The following UBE2B variants were observed in gnomAD, a reference collection of about 807,000 sequenced individuals.
The protein encoded by UBE2B is ubiquitin conjugating enzyme E2 B, also known as ubiquitin-conjugating enzyme E2 B.
A neutral mutation model predicts 24.6 loss-of-function variants in UBE2B; 11 were observed. That is an observed-to-expected ratio of 0.45 (90% CI 0.28 to 0.74). The LOEUF (loss-of-function observed/expected upper bound fraction) is 0.74, where lower values mean the gene tolerates loss of function less well. Among genes scored for constraint, UBE2B ranks in the 30% least tolerant of loss-of-function variants. UBE2B has a pLI of 0.13. For missense variants in UBE2B, 78 were observed against 185.6 expected, an observed-to-expected ratio of 0.42 and a Z score of 3.37; for synonymous variants, 68 against 62.4, an observed-to-expected ratio of 1.09 and a Z score of -0.42.
intron 4 of UBE2B, among the ~76,000 whole-genome samples, chr5:134,382,036 G>C (rs1758717487): frequency 6.6e-6 from 1 of 152,088 alleles, no homozygotes; most frequent in African/African-American, 2.4e-5. Context: ...GTGGCTTGAG[G>C]CCAGCCTAGG....
intron 4 of UBE2B, among the ~76,000 whole-genome samples, chr5:134,385,008 T>C (rs893059697): frequency 6.6e-6 from 1 of 152,240 alleles, no homozygotes; most frequent in African/African-American, 2.4e-5. Flanking sequence ...GGCTCATCTA[T>C]GTTGTGATAT....
intron 3 of UBE2B, among the ~76,000 whole-genome samples, chr5:134,378,260 T>A (rs1249871620): frequency 6.6e-6 from 1 of 151,748 alleles, no homozygotes; most frequent in African/African-American, 2.4e-5. Flanking sequence ...TCTATGTGGG[T>A]TTTTTTTGTT....
In UBE2B at chr5:134,375,816, A is replaced by C. The variant is rs898630833; in HGVS notation, c.126-853A>C. ...CCGTCTCAAAAAAAAAAAAAAAAAA[A>C]AAAAAAAAAACTTTATGCTGCTGCT... On this transcript the variant is annotated intron_variant, in intron 2 of 5. Transcript: ENST00000265339. Among the ~76,000 whole-genome samples, 9 of 150,952 alleles carry C rather than the reference A, an allele frequency of 6.0e-5. No individual in the cohort carries two copies. In the South Asian group the frequency reaches 8.3e-4, roughly 14 times the overall value.
chr5:134,371,754 C>A, intron 1 of UBE2B, 115 bp downstream of exon 1: 2 of 1,468,210 alleles, frequency 1.4e-6, no homozygotes, highest in South Asian at 1.2e-5. Context: ...GTGGGCCCAG[C>A]GGGACTGGCG....
chr5:134,379,095 T>A (rs1379791734), intron 3 of UBE2B, among the ~76,000 whole-genome samples: 1 of 152,186 alleles, frequency 6.6e-6, no homozygotes, highest in Non-Finnish European at 1.5e-5. Flanking sequence ...TAGTATATAA[T>A]GGAATATGGC....
rs1758568768 is a variant in UBE2B at position 134,374,654 on chromosome 5, G to T, written c.125+191G>T. 3 of 602,404 alleles carry T rather than the reference G, an allele frequency of 5.0e-6. No individual in the cohort carries two copies. In the South Asian group the frequency reaches 5.8e-5, roughly 12 times the overall value. The allele number at this position is 602,404 out of a possible 1,614,324, so 37.3% of individuals were successfully genotyped here. ...CAGCACAGTAGTAGCTCAACGCCTG[G>T]GAGGATCGCTGGAGCCCAGGAGTTC... is the stretch of plus-strand genomic sequence containing the variant. On this transcript the variant is annotated intron_variant, in intron 2 of 5. Transcript: ENST00000265339.
intron 5 of UBE2B, chr5:134,389,941 A>C (rs1758875019): frequency 2.6e-6 from 1 of 386,858 alleles, no homozygotes; most frequent in African/African-American, 2.1e-5. Context: ...TTGGCCTCCC[A>C]AAGTGTTAGG....
intron 5 of UBE2B, chr5:134,389,891 G>A: frequency 5.9e-6 from 2 of 337,856 alleles, no homozygotes; most frequent in South Asian, 2.6e-5. Context: ...ATGTTGCCCA[G>A]GCTGGGCTTG....
At chr5:134,381,413 G>A (rs1758708136) in intron 4 of UBE2B, among the ~76,000 whole-genome samples, 1 of 152,062 alleles carries the variant, frequency 6.6e-6, no homozygotes, top group Non-Finnish European at 1.5e-5. Flanking sequence ...GGACCACCAT[G>A]CCCAGCTAAT....
At chr5:134,374,209 G>A (rs1156983581) in intron 1 of UBE2B, among the ~76,000 whole-genome samples, 174 bp from the exon 2 acceptor site, 1 of 152,176 alleles carries the variant, frequency 6.6e-6, no homozygotes, top group Non-Finnish European at 1.5e-5. Flanking sequence ...TATTTAATAA[G>A]TATATATACC....
rs186055664 is a variant in UBE2B at position 134,372,318 on chromosome 5, C to T, written c.44+679C>T. ...GGTGAAGAAAGCCCCTATCTATAGC[C>T]TCCCGAGTCTGGAAAAATGCCTTCC... On this transcript the variant is annotated intron_variant, in intron 1 of 5. Coordinates refer to ENST00000265339, the MANE Select transcript of UBE2B (RefSeq NM_003337.4). Among the ~76,000 whole-genome samples, 689 of 152,336 alleles carry T rather than the reference C, an allele frequency of 4.5e-3. 2 individuals are homozygous for T. The highest frequency in any genetic ancestry group is 7.4e-3 in the Non-Finnish European group (505 of 68,030).
intron 4 of UBE2B, among the ~76,000 whole-genome samples, chr5:134,384,946 T>A (rs949819000): frequency 2.6e-5 from 4 of 152,250 alleles, no homozygotes; most frequent in Non-Finnish European, 5.9e-5. Flanking sequence ...TGGAATCTTA[T>A]ACTATGTGGT....
rs1307094365 is a variant in UBE2B at position 134,388,362 on chromosome 5, G to A, written c.279G>A (p.Gln93=). ...ADGSICLDIL[Q]NRWSPTYDVS... ...GTAGCATATGTTTAGATATCCTTCA[G>A]AATCGATGGAGTCCAACATATGATG... Residue 93 remains glutamine, a synonymous_variant, in exon 5 of 6, where the codon CAG becomes CAA. Coordinates refer to ENST00000265339, the MANE Select transcript of UBE2B (RefSeq NM_003337.4). 1 of 1,614,120 alleles carries A rather than the reference G, an allele frequency of 6.2e-7. No individual in the cohort carries two copies. Among genetic ancestry groups the A allele is most frequent in the East Asian group, 2.2e-5 (1 of 44,866 alleles).
rs1331643172 is a variant in UBE2B, at chr5:134,371,600, C to G, written c.5C>G (p.Ser2Trp). ...ACCGCGGGGCAGCTGCGGAGCATGT[C>G]GACCCCGGCCCGGAGGAGGCTCATG... Reference protein sequence around the residue: MSTPARRRLMRD... With the variant: MWTPARRRLMRD... Residue 2 changes from serine (S) to tryptophan (W), a missense_variant, in exon 1 of 6, where the codon TCG becomes TGG. By Grantham distance (177) the Ser-to-Trp change is radical (BLOSUM62 -3). Transcript: ENST00000265339. The G allele has an allele frequency of 1.9e-6, 3 of 1,612,672 alleles. No individual in the cohort carries two copies. The highest frequency in any genetic ancestry group is 1.7e-5 in the Admixed American group (1 of 59,990).
chr5:134,379,978 C>T (rs546835887), intron 3 of UBE2B, among the ~76,000 whole-genome samples: 4 of 151,882 alleles, frequency 2.6e-5, no homozygotes, highest in Admixed American at 6.6e-5. Context: ...TGCAATGGCG[C>T]GATCTCTGCT....
At position 134,374,259 on chromosome 5, in the gene UBE2B, C is replaced by CAAT. The variant is rs1241826635; in HGVS notation, c.45-121_45-119dup. The CAAT allele has an allele frequency of 9.1e-6, 8 of 877,594 alleles. No homozygotes were observed. The African/African-American group carries it at 1.3e-4, about 15-fold the overall frequency. 54.4% of individuals were successfully genotyped at this position (877,594 alleles called of 1,614,324 possible). Reference sequence around the variant, plus strand: ...AAGTCATATGGTTCATTTTAGTTCACAATAACAAGGAAATGGAGTTAGTCT... The same window carrying CAAT: ...AAGTCATATGGTTCATTTTAGTTCACAATAATAACAAGGAAATGGAGTTAGTCT... On this transcript the variant is annotated intron_variant, in intron 1 of 5. Transcript: ENST00000265339.
intron 5 of UBE2B, 71 bp downstream of exon 5, chr5:134,388,484 G>C (rs1251408634): frequency 1.5e-6 from 2 of 1,339,736 alleles, no homozygotes; most frequent in Non-Finnish European, 2.1e-6. Flanking sequence ...TTAGCACACA[G>C]GTAACCAATG....
rs1275498341 is a variant in UBE2B, at chr5:134,374,443, G to A, written c.105G>A (p.Gln35=). The stretch of plus-strand genomic sequence containing the variant: ...CACCATCTGAAAACAACATCATGCA[G>A]TGGAATGCAGTTATATTTGGGTGAG... ...SGAPSENNIM[Q]WNAVIFGPEG... Residue 35 remains glutamine (Q), a synonymous_variant, in exon 2 of 6, where the codon CAG becomes CAA. Transcript: ENST00000265339. 1 of 1,555,678 alleles carries A rather than the reference G, an allele frequency of 6.4e-7. No individual in the cohort carries two copies. Among genetic ancestry groups the A allele is most frequent in the Admixed American group, 1.9e-5 (1 of 51,450 alleles).
At position 134,390,360 on chromosome 5, in the gene UBE2B, A is replaced by G. The variant is rs1434133834; in HGVS notation, c.*7A>G. 3 of 1,613,828 alleles carry G rather than the reference A, an allele frequency of 1.9e-6. No homozygotes were observed. Among genetic ancestry groups the G allele is most frequent in the Non-Finnish European group, 2.5e-6 (3 of 1,179,884 alleles). ...AAGCTGGAATGATTCATAATAGACAACTGGTCTGTTAATCTTTTTCATCAT... is the reference window on the plus strand; with the variant it reads ...AAGCTGGAATGATTCATAATAGACAGCTGGTCTGTTAATCTTTTTCATCAT... On this transcript the variant is annotated 3_prime_UTR_variant, in exon 6 of 6. Coordinates refer to ENST00000265339, the MANE Select transcript of UBE2B (RefSeq NM_003337.4). This position sits in a 1 kb window ranked among gnomAD's most constrained non-coding sequence, Gnocchi z 4.6.
Sources: gnomAD v4.1 joint callset for allele counts (sites outside exome capture counted in the v4.1 genomes callset) on GRCh38, gnomAD v4.1.1 for gene constraint, Gnocchi (gnomAD v3.1) non-coding constraint, MANE v1.5 for transcripts, NCBI Gene and HGNC (gene_info 2026-07-23, HGNC 2026-07-21) for gene names.